Variants in TMEM260 observed in about 807,000 individuals in gnomAD.
TMEM260 encodes protein O-mannosyl-transferase TMEM260.
Under a neutral mutation model 88.9 loss-of-function variants are expected in TMEM260, and 82 were observed. The ratio of observed to expected loss-of-function variants is 0.92; its 90% confidence interval spans 0.77 to 1.11. The LOEUF (loss-of-function observed/expected upper bound fraction) is 1.11. TMEM260 is among the 50% of genes least tolerant of loss of function. The probability of loss-of-function intolerance (pLI) is 0.00; values close to 1 mark genes in which losing one functional copy is unlikely to be tolerated. For synonymous variants in TMEM260, 314 were observed against 309.3 expected, an observed-to-expected ratio of 1.02 and a Z score of -0.16; for missense variants, 902 against 853.4, an observed-to-expected ratio of 1.06 and a Z score of -0.71.
chr14:56,583,950 G>C (rs957238850), intron 1 of TMEM260, among the ~76,000 whole-genome samples: 2 of 151,936 alleles, frequency 1.3e-5, no homozygotes, highest in African/African-American at 4.8e-5. Flanking sequence ...GCAGAGAGCA[G>C]CCATTGAGAA....
chr14:56,643,640 G>C (rs569208569), intron 15 of TMEM260, among the ~76,000 whole-genome samples: 1 of 152,260 alleles, frequency 6.6e-6, no homozygotes, highest in South Asian at 2.1e-4. Flanking sequence ...ATTCAACATA[G>C]TGTTGGAAGT....
intron 15 of TMEM260, among the ~76,000 whole-genome samples, chr14:56,639,271 A>ACAACATTATGATACATTT (rs1889377378): frequency 6.6e-6 from 1 of 152,056 alleles, no homozygotes; most frequent in African/African-American, 2.4e-5. Context: ...ACTACAGCCA[A>ACAACATTATGATACATTT]CAACATTATG....
chr14:56,644,648 A>G (rs1594902617), intron 15 of TMEM260, among the ~76,000 whole-genome samples: 1 of 152,230 alleles, frequency 6.6e-6, no homozygotes, highest in East Asian at 1.9e-4. Context: ...CAAAATTGAC[A>G]AATGGGATCT....
At position 56,647,553 on chromosome 14, in the gene TMEM260, G is replaced by A. The variant is rs1331935729; in HGVS notation, c.*56G>A. ...TTCAGCTTCCAAAATTCTGAAGTCT[G>A]GAAGTTTTTCCTTCAAGAAAAGAAA... On this transcript the variant is annotated 3_prime_UTR_variant, in exon 16 of 16. Coordinates refer to ENST00000261556, the MANE Select transcript of TMEM260 (RefSeq NM_017799.4). 1.3e-6 allele frequency: 2 copies of A among 1,518,026 alleles called. No individual in the cohort carries two copies. Among genetic ancestry groups the A allele is most frequent in the Non-Finnish European group, 1.8e-6 (2 of 1,141,592 alleles). The allele number at this position is 1,518,026 out of a possible 1,614,324, so 94.0% of individuals were successfully genotyped here.
At chr14:56,638,700 A>G (rs1047302536) in intron 15 of TMEM260, among the ~76,000 whole-genome samples, 4 of 152,170 alleles carry the variant, frequency 2.6e-5, no homozygotes, top group African/African-American at 9.7e-5. Flanking sequence ...TTTTTCAAGA[A>G]TGTTCTTCTT....
chr14:56,632,573 G>GT (rs1425253045), intron 12 of TMEM260, among the ~76,000 whole-genome samples: 1 of 125,790 alleles, frequency 7.9e-6, no homozygotes, highest in Non-Finnish European at 1.8e-5. Flanking sequence ...TTTTCTTGGA[G>GT]CTTTTTTTAT....
In TMEM260 at chr14:56,647,642, T is replaced by A. The variant is rs1890050220; in HGVS notation, c.*145T>A. On this transcript the variant is annotated 3_prime_UTR_variant, in exon 16 of 16. Coordinates refer to ENST00000261556, the MANE Select transcript of TMEM260 (RefSeq NM_017799.4). The stretch of plus-strand genomic sequence containing the variant: ...TAAGTATCATGGTCCAGCAGTACTG[T>A]TTAATGGGGTATTCAGTGACTAAGG... The A allele has an allele frequency of 1.2e-6, 1 of 864,770 alleles. No individual in the cohort carries two copies. The highest frequency in any genetic ancestry group is 1.7e-6 in the Non-Finnish European group (1 of 588,182). 53.6% of individuals were successfully genotyped at this position (864,770 alleles called of 1,614,324 possible). A position where few individuals can be genotyped will look rare whatever the true frequency, so the allele number is the denominator to read the frequency against.
intron 3 of TMEM260, among the ~76,000 whole-genome samples, chr14:56,595,611 C>T (rs1886155861): frequency 6.6e-6 from 1 of 152,116 alleles, no homozygotes. Flanking sequence ...TCCCACAGAC[C>T]TGGGACTACA....
chr14:56,590,217 G>A (rs1420324618), intron 3 of TMEM260, among the ~76,000 whole-genome samples: 1 of 152,154 alleles, frequency 6.6e-6, no homozygotes, highest in Non-Finnish European at 1.5e-5. Context: ...TATAAGTAGA[G>A]GGACATATTA....
chr14:56,599,122 C>T (rs1886414729), intron 3 of TMEM260, among the ~76,000 whole-genome samples: 1 of 152,016 alleles, frequency 6.6e-6, no homozygotes, highest in Non-Finnish European at 1.5e-5. Context: ...CACCCACAAC[C>T]CTTTGCTCAT....
intron 12 of TMEM260, among the ~76,000 whole-genome samples, chr14:56,626,068 C>T (rs773820035): frequency 2.0e-5 from 3 of 152,090 alleles, no homozygotes; most frequent in Non-Finnish European, 4.4e-5. Flanking sequence ...ATAAATAATT[C>T]CTCCGATGGC....
Position 56,648,474 on chromosome 14 carries a change from T to C in TMEM260, c.*977T>C, listed in dbSNP as rs1402610099. 6.6e-6 allele frequency: 1 copy of C among 152,620 alleles called. No homozygotes were observed. Among genetic ancestry groups the C allele is most frequent in the Non-Finnish European group, 1.5e-5 (1 of 68,036 alleles). The allele number at this position is 152,620 out of a possible 1,614,324, so 9.5% of individuals were successfully genotyped here. A position where few individuals can be genotyped will look rare whatever the true frequency, so the allele number is the denominator to read the frequency against. ...TAGAGGCCAGAATCTGTAGGGCTTC[T>C]TTTCCCCCCAATTGTATAGCTCCTA... On this transcript the variant is annotated 3_prime_UTR_variant, in exon 16 of 16. Coordinates refer to ENST00000261556, the MANE Select transcript of TMEM260 (RefSeq NM_017799.4).
chr14:56,601,761 T>C (rs1886589699), intron 3 of TMEM260, among the ~76,000 whole-genome samples: 1 of 152,166 alleles, frequency 6.6e-6, no homozygotes, highest in Non-Finnish European at 1.5e-5. Context: ...TACAAGCTGT[T>C]ACTATAATTA....
chr14:56,625,594 A>G, intron 12 of TMEM260, 64 bp downstream of exon 12: 1 of 1,394,278 alleles, frequency 7.2e-7, no homozygotes, highest in Non-Finnish European at 9.9e-7. Context: ...TTGTTTCTGT[A>G]GCAGTTGTGC....
intron 14 of TMEM260, among the ~76,000 whole-genome samples, chr14:56,635,844 AATATAT>A (rs3067786): frequency 1.3e-5 from 2 of 150,822 alleles, no homozygotes; most frequent in African/African-American, 4.9e-5. Flanking sequence ...AATGATTGCA[AATATAT>A]ATATATATAC....
chr14:56,582,763 T>C (rs1012469098), intron 1 of TMEM260, among the ~76,000 whole-genome samples: 2 of 152,132 alleles, frequency 1.3e-5, no homozygotes, highest in Non-Finnish European at 2.9e-5. Flanking sequence ...CTCGGGAAGC[T>C]CGAGGTTTTT....
chr14:56,621,123 A>G (rs796446621), intron 10 of TMEM260, among the ~76,000 whole-genome samples: 30 of 152,288 alleles, frequency 2.0e-4, no homozygotes, highest in African/African-American at 6.7e-4. Flanking sequence ...CAAGTCAGAA[A>G]TGGGCAGATT....
At chr14:56,591,509 A>T (rs1472549907) in intron 3 of TMEM260, among the ~76,000 whole-genome samples, 1 of 152,226 alleles carries the variant, frequency 6.6e-6, no homozygotes, top group African/African-American at 2.4e-5. Flanking sequence ...CTAAGTTTTC[A>T]GTTAGAAAGG....
chr14:56,632,216 T>C (rs550511300), intron 12 of TMEM260, among the ~76,000 whole-genome samples: 2 of 152,364 alleles, frequency 1.3e-5, no homozygotes, highest in Admixed American at 1.3e-4. Context: ...TTTTTGGTTC[T>C]CTAGCCAGAA....
Sources: gnomAD v4.1 joint callset for allele counts (sites outside exome capture counted in the v4.1 genomes callset) on GRCh38, gnomAD v4.1.1 for gene constraint, MANE v1.5 for transcripts, NCBI Gene and HGNC (gene_info 2026-07-23, HGNC 2026-07-21) for gene names.